The following SNX29 variants were observed in gnomAD, a reference collection of about 807,000 sequenced individuals.
SNX29 encodes sorting nexin-29.
Under a neutral mutation model 102.1 loss-of-function variants are expected in SNX29, and 78 were observed. The ratio of observed to expected loss-of-function variants is 0.76; its 90% CI spans 0.64 to 0.92. The LOEUF (loss-of-function observed/expected upper bound fraction) is 0.92. Ranked by LOEUF, SNX29 falls within the 40% of genes least tolerant of loss-of-function variation. The pLI is 0.00. For missense variants in SNX29, 1,280 were observed against 1,061.7 expected (o/e 1.21, Z -2.86); for synonymous variants, 580 against 414.5 (o/e 1.40, Z -4.85).
chr16:12,237,416 C>T (rs1273799673), intron 14 of SNX29, among the ~76,000 whole-genome samples: 1 of 152,178 alleles, frequency 6.6e-6, no homozygotes, highest in African/African-American at 2.4e-5. Context: ...TCACGTTTTT[C>T]GTGTCTCTCT....
In SNX29 at chr16:12,571,243, A is replaced by T. The variant is rs986846876; in HGVS notation, c.*2614A>T. On this transcript the variant is annotated 3_prime_UTR_variant, in exon 21 of 21. Transcript: ENST00000566228. ...CCCAGTTCCTGGAGTTATGGAGCAG[A>T]AACACCCAGGCCTAGCAGAATTGTG... 1.3e-5 allele frequency: 3 copies of T among 232,128 alleles called. No homozygotes were observed. The Admixed American group carries it at 1.7e-4, about 13-fold the overall frequency. 14.4% of individuals were successfully genotyped at this position (232,128 alleles called of 1,614,324 possible).
chr16:12,214,864 A>G (rs543656732), intron 14 of SNX29, among the ~76,000 whole-genome samples: 37 of 152,266 alleles, frequency 2.4e-4, no homozygotes, highest in African/African-American at 8.2e-4. Context: ...ATTGCTGCCT[A>G]TTTTATACTT....
chr16:12,570,434 A>G lies in SNX29; in HGVS notation c.*1805A>G, dbSNP rs927317189. ...TCACATGACTGGCAACTCTAAATAG[A>G]GAGCCCTAATGGACTGAGGCAGGAA... On this transcript the variant is annotated 3_prime_UTR_variant, in exon 21 of 21. Transcript: ENST00000566228. 2 of 246,796 alleles carry G rather than the reference A, an allele frequency of 8.1e-6. No homozygotes were observed. The highest frequency in any genetic ancestry group is 2.2e-5 in the African/African-American group (1 of 45,562). The allele number at this position is 246,796 out of a possible 1,614,324, so 15.3% of individuals were successfully genotyped here.
At chr16:12,386,758 A>G (rs1272804484) in intron 16 of SNX29, among the ~76,000 whole-genome samples, 1 of 152,208 alleles carries the variant, frequency 6.6e-6, no homozygotes, top group Non-Finnish European at 1.5e-5. Flanking sequence ...TTAATAAGAA[A>G]AGAGTTGAAG....
chr16:12,239,875 A>G (rs1241571345), intron 14 of SNX29, among the ~76,000 whole-genome samples: 1 of 152,122 alleles, frequency 6.6e-6, no homozygotes, highest in East Asian at 1.9e-4. Flanking sequence ...TTTTTAAAGT[A>G]GCACCAGGAC....
At chr16:12,510,982 A>G (rs2089593020) in intron 19 of SNX29, among the ~76,000 whole-genome samples, 1 of 151,812 alleles carries the variant, frequency 6.6e-6, no homozygotes, top group Non-Finnish European at 1.5e-5. Flanking sequence ...TCCCCCACAG[A>G]GTCTCACTCT....
intron 18 of SNX29, among the ~76,000 whole-genome samples, chr16:12,403,937 G>C (rs1394952652): frequency 6.6e-6 from 1 of 152,160 alleles, no homozygotes; most frequent in Non-Finnish European, 1.5e-5. Flanking sequence ...GCTGTCCGTG[G>C]GTTGACAGGA....
chr16:12,409,452 G>A (rs1397040391), intron 18 of SNX29, among the ~76,000 whole-genome samples: 4 of 119,506 alleles, frequency 3.3e-5, no homozygotes, highest in East Asian at 5.1e-4. Flanking sequence ...TTTTTGAGAC[G>A]GAGTCTCGCT....
chr16:12,427,301 G>C (rs2085120654), intron 18 of SNX29, among the ~76,000 whole-genome samples: 1 of 151,550 alleles, frequency 6.6e-6, no homozygotes. Flanking sequence ...TGAAAATCTT[G>C]ATTTCAATGT....
rs753732995 is a variant in SNX29 at position 12,282,832 on chromosome 16, T to TC, written c.1782+4796_1782+4797insC. On this transcript the variant is annotated intron_variant, in intron 15 of 20. Coordinates refer to ENST00000566228, the MANE Select transcript of SNX29 (RefSeq NM_032167.5). ...CACAATGCCTGGCTAATTTTTTGTA[T>TC]TTTTAGTAGAGACAGGGTTTCATCG... 3.4e-3 allele frequency among the ~76,000 whole-genome samples: 512 copies of TC among 152,268 alleles called. 3 individuals are homozygous for TC. Among genetic ancestry groups the TC allele is most frequent in the Non-Finnish European group, 5.5e-3 (372 of 68,006 alleles).
intron 20 of SNX29, among the ~76,000 whole-genome samples, chr16:12,548,354 T>C (rs949463492): frequency 2.0e-5 from 3 of 152,210 alleles, no homozygotes; most frequent in African/African-American, 7.2e-5. Context: ...CAGTGGGCAC[T>C]CTGCACCCAC....
chr16:12,192,978 A>C (rs964585871), intron 13 of SNX29, among the ~76,000 whole-genome samples: 5 of 152,174 alleles, frequency 3.3e-5, no homozygotes, highest in Admixed American at 6.5e-5. Context: ...CTGGGATTAC[A>C]GGCGTAAGCC....
At chr16:12,321,780 C>T (rs2080939829) in intron 15 of SNX29, among the ~76,000 whole-genome samples, 1 of 152,120 alleles carries the variant, frequency 6.6e-6, no homozygotes, top group Non-Finnish European at 1.5e-5. Flanking sequence ...AGATCTAGTT[C>T]TCAGAGGACA....
At chr16:11,988,292 T>TC (rs1172816617) in intron 1 of SNX29, among the ~76,000 whole-genome samples, 1 of 56,570 alleles carries the variant, frequency 1.8e-5, no homozygotes, top group Admixed American at 2.4e-4. Flanking sequence ...CGACTCCATC[T>TC]CAAAAAAAAA....
intron 14 of SNX29, among the ~76,000 whole-genome samples, chr16:12,210,104 C>G (rs2142032493): frequency 6.6e-6 from 1 of 152,310 alleles, no homozygotes; most frequent in East Asian, 1.9e-4. Flanking sequence ...AGCCCTCAAT[C>G]CATGTGGTTT....
rs150351400 is a variant in SNX29, at chr16:12,007,222, C to T, written c.122+4179C>T. 1.7e-4 allele frequency among the ~76,000 whole-genome samples: 26 copies of T among 152,194 alleles called. No individual in the cohort carries two copies. The East Asian group carries it at 4.6e-3, about 27-fold the overall frequency. On this transcript the variant is annotated intron_variant, in intron 3 of 20. Transcript: ENST00000566228. ...CCTATTCTGTGAGAAAGTTGAATCT[C>T]GGCTGGATGCAGTGGCTCACGCCTA...
chr16:11,976,823 G>A lies in SNX29; in HGVS notation c.7+10G>A. On this transcript the variant is annotated intron_variant, in intron 1 of 20. Coordinates refer to ENST00000566228, the MANE Select transcript of SNX29 (RefSeq NM_032167.5). Reference sequence around the variant, plus strand: ...AGAGGCACCATGAGCGGTGAGTGGCGGCCCCGCCGCTGTCACCTGCCCCGG... The same window carrying A: ...AGAGGCACCATGAGCGGTGAGTGGCAGCCCCGCCGCTGTCACCTGCCCCGG... 7.3e-7 allele frequency: 1 copy of A among 1,373,904 alleles called. No homozygotes were observed. Among genetic ancestry groups the A allele is most frequent in the Non-Finnish European group, 9.4e-7 (1 of 1,063,160 alleles). 85.1% of individuals were successfully genotyped at this position (1,373,904 alleles called of 1,614,324 possible). A position where few individuals can be genotyped will look rare whatever the true frequency, so the allele number is the denominator to read the frequency against.
intron 11 of SNX29, among the ~76,000 whole-genome samples, chr16:12,106,559 C>G (rs1398948286): frequency 6.6e-6 from 1 of 151,218 alleles, no homozygotes; most frequent in Non-Finnish European, 1.5e-5. Flanking sequence ...TGGCAGCATC[C>G]ACTTCCCGGT....
chr16:12,447,722 G>C (rs771991166), intron 18 of SNX29, among the ~76,000 whole-genome samples: 5 of 152,162 alleles, frequency 3.3e-5, no homozygotes, highest in African/African-American at 9.7e-5. Flanking sequence ...TTGCCAGCTC[G>C]TGTGTTATTT....
Sources: gnomAD v4.1 joint callset for allele counts (sites outside exome capture counted in the v4.1 genomes callset) on GRCh38, gnomAD v4.1.1 for gene constraint, MANE v1.5 for transcripts, NCBI Gene and HGNC (gene_info 2026-07-23, HGNC 2026-07-21) for gene names.